ZNF251: variants seen among roughly 807,000 people sequenced by gnomAD.
The protein encoded by ZNF251 is zinc finger protein 251.
A neutral mutation model predicts 13.5 loss-of-function variants in ZNF251; 14 were observed. The observed-to-expected ratio is 1.04, with a 90% confidence interval of 0.69 to 1.63. The LOEUF (loss-of-function observed/expected upper bound fraction) is 1.63, where lower values mean the gene tolerates loss of function less well. Ranked by LOEUF, ZNF251 falls within the 40% of genes most tolerant of loss-of-function variation. The probability of loss-of-function intolerance (pLI) is 0.00; values close to 1 mark genes in which losing one functional copy is unlikely to be tolerated. For missense variants in ZNF251, 764 were observed against 834.9 expected (o/e 0.92, Z 1.05); for synonymous variants, 287 against 295.2 (o/e 0.97, Z 0.28).
chr8:144,738,993 G>T (rs968314525), intron 4 of ZNF251, among the ~76,000 whole-genome samples: 1 of 151,952 alleles, frequency 6.6e-6, no homozygotes, highest in African/African-American at 2.4e-5. Context: ...GGACTACAAG[G>T]CCTTCCTGAC....
rs1220764296 is a variant in ZNF251 at position 144,753,276 on chromosome 8, A to G, written c.277+407T>C. The stretch of plus-strand genomic sequence containing the variant: ...GTGACAGAGTGAGATTCTGTCTCGA[A>G]AAAAAAAAAAAAAAAAAAAAAAAGA... On this transcript the variant is annotated intron_variant, in intron 4 of 4. Coordinates refer to ENST00000292562, the MANE Select transcript of ZNF251 (RefSeq NM_138367.2). Among the ~76,000 whole-genome samples, 9 of 51,288 alleles carry G rather than the reference A, an allele frequency of 1.8e-4. No homozygotes were observed. The South Asian group carries it at 2.2e-3, about 13-fold the overall frequency. The allele number at this position is 51,288 out of a possible 152,430, so 33.6% of individuals were successfully genotyped here.
chr8:144,732,811 C>CA (rs34248117), intron 4 of ZNF251, among the ~76,000 whole-genome samples: 2,696 of 106,594 alleles, frequency 0.025, 141 homozygotes, highest in East Asian at 0.23. Context: ...GACTCCGTCT[C>CA]AAAAAAAAAA....
intron 4 of ZNF251, among the ~76,000 whole-genome samples, chr8:144,739,498 T>C (rs1824061125): frequency 6.6e-6 from 1 of 152,148 alleles, no homozygotes; most frequent in Non-Finnish European, 1.5e-5. Flanking sequence ...TTCTACAAAA[T>C]ATAGAGCCCA....
At chr8:144,724,261 C>CAAA (rs1175216003) in intron 4 of ZNF251, among the ~76,000 whole-genome samples, 18 of 35,812 alleles carry the variant, frequency 5.0e-4, no homozygotes, top group Non-Finnish European at 7.8e-4. Context: ...GACTCCGTCT[C>CAAA]AAAAAAAAAA....
chr8:144,754,790 CT>C lies in ZNF251; in HGVS notation c.-63del. On this transcript the variant is annotated 5_prime_UTR_variant, in exon 2 of 5. Transcript: ENST00000292562. ...ACAGGAGACTGCCCTGGCCTGAAGT[CT>C]CCCCGAACTTACCTTCAGTGGGGAG... 1 of 1,586,044 alleles carries C rather than the reference CT, an allele frequency of 6.3e-7. No homozygotes were observed. Among genetic ancestry groups the C allele is most frequent in the South Asian group, 1.1e-5 (1 of 87,008 alleles).
At chr8:144,749,362 G>A (rs1230804556) in intron 4 of ZNF251, among the ~76,000 whole-genome samples, 1 of 152,106 alleles carries the variant, frequency 6.6e-6, no homozygotes, top group Non-Finnish European at 1.5e-5. Context: ...GTACATGCCT[G>A]TAGTCCCAGC....
At position 144,734,338 on chromosome 8, in the gene ZNF251, TCCC is replaced by T. The variant is rs1464109071; in HGVS notation, c.278-10959_278-10957del. Among the ~76,000 whole-genome samples, 2 of 152,168 alleles carry T rather than the reference TCCC, an allele frequency of 1.3e-5. No individual in the cohort carries two copies. Among genetic ancestry groups the T allele is most frequent in the African/African-American group, 2.4e-5 (1 of 41,446 alleles). ...TTTGTCCCTGTGGCTGTCGGCCCTG[TCCC>T]CCAACTCCAGCGGGTGTCACGGGTC... On this transcript the variant is annotated intron_variant, in intron 4 of 4. Coordinates refer to ENST00000292562, the MANE Select transcript of ZNF251 (RefSeq NM_138367.2). The surrounding 1 kb of genome is among the most constrained non-coding windows in gnomAD (Gnocchi z 4.4).
chr8:144,730,888 A>G (rs1190911647), intron 4 of ZNF251, among the ~76,000 whole-genome samples: 2 of 152,226 alleles, frequency 1.3e-5, no homozygotes, highest in Admixed American at 6.5e-5. Context: ...CAGTTGGCTG[A>G]CAAGATCTTA....
rs542254096 is a variant in ZNF251, at chr8:144,755,434, G to C, written c.-105C>G. 496 of 1,288,228 alleles carry C rather than the reference G, an allele frequency of 3.9e-4. 1 individual carries two copies. In the African/African-American group the frequency reaches 4.7e-3, roughly 12 times the overall value. The allele number at this position is 1,288,228 out of a possible 1,614,324, so 79.8% of individuals were successfully genotyped here. On this transcript the variant is annotated 5_prime_UTR_variant, in exon 1 of 5. Coordinates refer to ENST00000292562, the MANE Select transcript of ZNF251 (RefSeq NM_138367.2). ...TTGCTCGACCCGGGGAAGCCACCGA[G>C]GAAGCGCCGAGGAGCTGCGCAGTCG...
At position 144,722,209 on chromosome 8, in the gene ZNF251, G is replaced by C; in HGVS notation, c.1451C>G (p.Thr484Ser). The C allele has an allele frequency of 6.2e-7, 1 of 1,614,108 alleles. No homozygotes were observed. Among genetic ancestry groups the C allele is most frequent in the South Asian group, 1.1e-5 (1 of 91,080 alleles). ...ACCACAGTCATAGGGCTTCTCTCCA[G>C]TGTGAACTCGCTGATGTAGGGTGAG... ...SQLTLHQRVH[T>S]GEKPYDCGDC... The change falls in exon 5 of 5, where the codon ACT (threonine) becomes AGT (serine). Residue 484 changes from threonine (T) to serine (S), a missense_variant. Coordinates refer to ENST00000292562, the MANE Select transcript of ZNF251 (RefSeq NM_138367.2). The surrounding 1 kb of genome is among the most constrained non-coding windows in gnomAD (Gnocchi z 4.8).
At chr8:144,743,683 G>C (rs566411318) in intron 4 of ZNF251, among the ~76,000 whole-genome samples, 24 of 152,186 alleles carry the variant, frequency 1.6e-4, no homozygotes, top group Non-Finnish European at 2.2e-4. Flanking sequence ...CACCTGCAAT[G>C]AATCAGAGTT....
chr8:144,739,132 A>G (rs1824037986), intron 4 of ZNF251, among the ~76,000 whole-genome samples: 1 of 150,468 alleles, frequency 6.6e-6, no homozygotes, highest in Non-Finnish European at 1.5e-5. Context: ...TCACGACTCC[A>G]CCCCTCCAAA....
chr8:144,730,211 G>A (rs550949829), intron 4 of ZNF251: 5 of 687,666 alleles, frequency 7.3e-6, no homozygotes, highest in East Asian at 1.4e-4. Flanking sequence ...GGCCCAGAGC[G>A]CCAATCCCTG....
intron 4 of ZNF251, among the ~76,000 whole-genome samples, chr8:144,753,188 T>C (rs1824776370): frequency 2.0e-5 from 3 of 149,036 alleles, no homozygotes; most frequent in Non-Finnish European, 4.4e-5. Context: ...GGTGGGAGGA[T>C]TGCCTGAGCC....
At chr8:144,723,404 G>A in intron 4 of ZNF251, 22 bp from the exon 5 acceptor site, 1 of 1,417,560 alleles carries the variant, frequency 7.1e-7, no homozygotes, top group South Asian at 1.7e-5. Flanking sequence ...AAATATAAAT[G>A]AGTTACTAGA....
intron 4 of ZNF251, among the ~76,000 whole-genome samples, chr8:144,736,455 T>TTTTATTTATTTA (rs71297475): frequency 7.7e-5 from 11 of 142,356 alleles, no homozygotes; most frequent in Middle Eastern, 3.6e-3. Flanking sequence ...CCTTCCTTTA[T>TTTTATTTATTTA]TTTATTTATT....
chr8:144,732,717 CAGG>C (rs1226225036), intron 4 of ZNF251, among the ~76,000 whole-genome samples: 4 of 150,752 alleles, frequency 2.7e-5, no homozygotes, highest in Admixed American at 1.3e-4. Flanking sequence ...GAGGCTGAGG[CAGG>C]AGAATGGCGT....
chr8:144,748,643 C>G (rs750092354), intron 4 of ZNF251, among the ~76,000 whole-genome samples: 1 of 152,030 alleles, frequency 6.6e-6, no homozygotes, highest in Non-Finnish European at 1.5e-5. Flanking sequence ...TCACTACAAC[C>G]TCAACTTCCT....
chr8:144,745,251 A>T (rs1243071675), intron 4 of ZNF251, among the ~76,000 whole-genome samples: 4 of 148,832 alleles, frequency 2.7e-5, no homozygotes, highest in Non-Finnish European at 5.9e-5. Context: ...TCTTGAAAAG[A>T]TCATCCTTTC....
Sources: allele counts gnomAD v4.1 joint callset (sites outside exome capture counted in the v4.1 genomes callset), GRCh38; gene constraint gnomAD v4.1.1; non-coding constraint Gnocchi (gnomAD v3.1); transcripts MANE v1.5; gene names NCBI Gene and HGNC (gene_info 2026-07-23, HGNC 2026-07-21).